The following SHISA9 variants were observed in gnomAD, a reference collection of about 807,000 sequenced individuals.
SHISA9 encodes the protein protein shisa-9.
In SHISA9, 13 loss-of-function variants were observed where a neutral mutation model predicts 38.0. The ratio of observed to expected loss-of-function variants is 0.34; its 90% CI spans 0.22 to 0.54. The LOEUF is 0.54. Among genes scored for constraint, SHISA9 ranks in the 20% least tolerant of loss-of-function variants. SHISA9 has a pLI of 0.91. For missense variants in SHISA9, 538 were observed against 575.8 expected, an observed-to-expected ratio of 0.93 and a Z score of 0.67; for synonymous variants, 275 against 242.0, an observed-to-expected ratio of 1.14 and a Z score of -1.27.
At chr16:13,517,301 C>G in the SHISA9 span, among the ~76,000 whole-genome samples, 1 of 152,156 alleles carries the variant, frequency 6.6e-6, no homozygotes, top group Non-Finnish European at 1.5e-5. Context: ...CCTGAAGATA[C>G]CTTGATTTCA....
At chr16:13,257,062 C>A in the SHISA9 span, among the ~76,000 whole-genome samples, 1 of 152,176 alleles carries the variant, frequency 6.6e-6, no homozygotes, top group Non-Finnish European at 1.5e-5. Flanking sequence ...TACAAACGAC[C>A]ATCCAGAGAC....
chr16:13,289,042 G>A, the SHISA9 span, among the ~76,000 whole-genome samples: 1 of 152,160 alleles, frequency 6.6e-6, no homozygotes, highest in Non-Finnish European at 1.5e-5. Flanking sequence ...ATGAAAACCT[G>A]TCTTCAGGAG....
the SHISA9 span, among the ~76,000 whole-genome samples, chr16:13,289,729 T>C: frequency 2.6e-5 from 4 of 152,038 alleles, no homozygotes; most frequent in African/African-American, 9.7e-5. Context: ...GTTGGCTGAT[T>C]AATTTCTGGG....
intron 2 of SHISA9, among the ~76,000 whole-genome samples, chr16:13,035,004 G>GA (rs796189760): frequency 4.6e-5 from 7 of 151,928 alleles, no homozygotes; most frequent in Non-Finnish European, 1.0e-4. Context: ...TTTTTTAAAA[G>GA]AAAAAAAAGC....
the SHISA9 span, among the ~76,000 whole-genome samples, chr16:13,528,470 CTAA>C: frequency 4.3e-4 from 66 of 151,976 alleles, no homozygotes; most frequent in Middle Eastern, 6.8e-3. Flanking sequence ...GTGTCTTATT[CTAA>C]AACAAAAATT....
At chr16:13,099,076 C>G (rs2073853924) in intron 2 of SHISA9, among the ~76,000 whole-genome samples, 1 of 152,272 alleles carries the variant, frequency 6.6e-6, no homozygotes, top group Non-Finnish European at 1.5e-5. Context: ...CTATGGCCTT[C>G]AGGCCAAATC....
At chr16:13,278,172 A>G in the SHISA9 span, among the ~76,000 whole-genome samples, 3 of 152,234 alleles carry the variant, frequency 2.0e-5, no homozygotes, top group East Asian at 5.8e-4. Context: ...TATTGAGATG[A>G]TCATGTGATT....
chr16:13,282,926 T>A, the SHISA9 span, among the ~76,000 whole-genome samples: 1 of 152,136 alleles, frequency 6.6e-6, no homozygotes, highest in East Asian at 1.9e-4. Context: ...TAAATATCAT[T>A]TGCGAATATG....
chr16:12,966,304 A>G (rs1362968888), intron 2 of SHISA9, among the ~76,000 whole-genome samples: 1 of 151,662 alleles, frequency 6.6e-6, no homozygotes, highest in Admixed American at 6.6e-5. Flanking sequence ...CTCCAGTGCT[A>G]TCTCCTTCCT....
At chr16:13,443,568 G>T in the SHISA9 span, among the ~76,000 whole-genome samples, 1 of 152,144 alleles carries the variant, frequency 6.6e-6, no homozygotes, top group Non-Finnish European at 1.5e-5. Flanking sequence ...TCGTTACTAC[G>T]TGCTGGGACA....
chr16:13,119,060 G>A (rs2074060011), intron 2 of SHISA9, among the ~76,000 whole-genome samples: 1 of 151,948 alleles, frequency 6.6e-6, no homozygotes, highest in Admixed American at 6.6e-5. Context: ...TAGAGATGGA[G>A]TTTCACCTTG....
the SHISA9 span, among the ~76,000 whole-genome samples, chr16:13,540,281 C>A: frequency 6.6e-6 from 1 of 152,048 alleles, no homozygotes; most frequent in Non-Finnish European, 1.5e-5. Flanking sequence ...ACTCTTATAA[C>A]TTCAATGCAG....
intron 2 of SHISA9, among the ~76,000 whole-genome samples, chr16:13,099,153 C>T (rs2073854659): frequency 6.6e-6 from 1 of 152,208 alleles, no homozygotes; most frequent in Non-Finnish European, 1.5e-5. Flanking sequence ...ACTGACCGAT[C>T]ATCTATGGCT....
At chr16:13,132,203 G>C (rs956000814) in intron 2 of SHISA9, among the ~76,000 whole-genome samples, 40 of 152,130 alleles carry the variant, frequency 2.6e-4, no homozygotes, top group African/African-American at 8.9e-4. Flanking sequence ...TACTAGCTGG[G>C]TGACTTTGTG....
chr16:13,012,903 C>G (rs904202668), intron 2 of SHISA9, among the ~76,000 whole-genome samples: 3 of 152,092 alleles, frequency 2.0e-5, no homozygotes, highest in African/African-American at 7.2e-5. Context: ...GCTGTGACAG[C>G]CTCTGTGCTT....
intron 2 of SHISA9, among the ~76,000 whole-genome samples, chr16:12,999,121 A>C (rs1170980873): frequency 6.6e-6 from 1 of 152,212 alleles, no homozygotes; most frequent in Non-Finnish European, 1.5e-5. Context: ...TGCCTGGAGA[A>C]AGCTTACCTA....
the SHISA9 span, among the ~76,000 whole-genome samples, chr16:13,318,800 A>G: frequency 2.0e-5 from 3 of 152,242 alleles, no homozygotes; most frequent in African/African-American, 7.2e-5. Flanking sequence ...AAAATGATCA[A>G]ATAAACCTGG....
At chr16:13,256,351 G>A in the SHISA9 span, among the ~76,000 whole-genome samples, 4 of 152,158 alleles carry the variant, frequency 2.6e-5, no homozygotes, top group South Asian at 2.1e-4. Context: ...GTGCCACCTC[G>A]GCTCACCGCA....
At chr16:13,116,169 G>A (rs1158951975) in intron 2 of SHISA9, among the ~76,000 whole-genome samples, 1 of 152,106 alleles carries the variant, frequency 6.6e-6, no homozygotes, top group Non-Finnish European at 1.5e-5. Flanking sequence ...TCACTCAAAT[G>A]TGCACATAAG....
Sources: allele counts gnomAD v4.1 joint callset (sites outside exome capture counted in the v4.1 genomes callset), GRCh38; gene constraint gnomAD v4.1.1; transcripts MANE v1.5; gene names NCBI Gene and HGNC (gene_info 2026-07-23, HGNC 2026-07-21).